The following TSNARE1 variants were observed in gnomAD, a reference collection of about 807,000 sequenced individuals.
The protein encoded by TSNARE1 is t-SNARE domain-containing protein 1.
Under a neutral mutation model 62.0 loss-of-function variants are expected in TSNARE1, and 49 were observed. The observed-to-expected ratio is 0.79, with a 90% confidence interval of 0.63 to 1.00. The LOEUF is 1.00. Among genes scored for constraint, TSNARE1 ranks in the 50% least tolerant of loss-of-function variants. The probability of loss-of-function intolerance (pLI) is 0.00; values close to 1 mark genes in which losing one functional copy is unlikely to be tolerated. For synonymous variants in TSNARE1, 328 were observed against 294.4 expected (o/e 1.11, Z -1.17); for missense variants, 755 against 700.1 (o/e 1.08, Z -0.88).
chr8:142,252,080 C>T (rs1254564292), intron 12 of TSNARE1, among the ~76,000 whole-genome samples: 1 of 149,984 alleles, frequency 6.7e-6, no homozygotes, highest in Non-Finnish European at 1.5e-5. Context: ...ACCATGTACC[C>T]ACCGCTCGCG....
chr8:142,339,847 C>T (rs1832294730), intron 4 of TSNARE1, among the ~76,000 whole-genome samples: 1 of 152,240 alleles, frequency 6.6e-6, no homozygotes, highest in Admixed American at 6.5e-5. Context: ...CGTACAGCGC[C>T]CTCCTCCTCT....
At chr8:142,276,014 C>A in intron 11 of TSNARE1, 5 of 985,438 alleles carry the variant, frequency 5.1e-6, no homozygotes, top group Non-Finnish European at 6.0e-6. Context: ...GAAGCCCCCA[C>A]CCAGGCCTCA....
intron 12 of TSNARE1, chr8:142,271,644 A>G: frequency 7.1e-7 from 1 of 1,407,612 alleles, no homozygotes; most frequent in Middle Eastern, 1.8e-4. Context: ...CCTTCCAGGG[A>G]CCTCAGGGGC....
intron 12 of TSNARE1, chr8:142,269,597 G>C (rs1475399123): frequency 7.1e-6 from 7 of 985,020 alleles, no homozygotes; most frequent in Non-Finnish European, 8.4e-6. Context: ...CCAAAGTGCT[G>C]TGATTACAGG....
intron 6 of TSNARE1, 90 bp from the exon 7 acceptor site, chr8:142,318,724 C>G (rs975219808): frequency 6.5e-6 from 8 of 1,226,862 alleles, no homozygotes; most frequent in Non-Finnish European, 9.5e-6. Context: ...CAGGGACGCA[C>G]GGGCCGAGTG....
At chr8:142,250,034 C>A (rs574779523) in intron 12 of TSNARE1, among the ~76,000 whole-genome samples, 2 of 152,316 alleles carry the variant, frequency 1.3e-5, no homozygotes, top group South Asian at 4.1e-4. Context: ...GGGTCCTGGG[C>A]AGCTCCAGAG....
intron 11 of TSNARE1, chr8:142,278,286 G>A: frequency 1.0e-6 from 1 of 985,460 alleles, no homozygotes; most frequent in Non-Finnish European, 1.2e-6. Context: ...ATGCACCGCT[G>A]TGAGCAGGAG....
intron 12 of TSNARE1, among the ~76,000 whole-genome samples, chr8:142,233,032 C>T (rs1817203648): frequency 6.6e-6 from 1 of 152,220 alleles, no homozygotes; most frequent in Non-Finnish European, 1.5e-5. Flanking sequence ...AGCCACCCTG[C>T]AGATGAGAAG....
chr8:142,229,529 G>A lies in TSNARE1; in HGVS notation c.1497C>T (p.Ala499=). ...KCCFLSAGVT[A]LLVIIIIIAT... ...CGATGATGATGATGATGACAAGCAG[G>A]GCAGTGACTCCAGCTGATAGGAAGC... The change falls in exon 13 of 14, where the codon GCC becomes GCT. Residue 499 remains alanine, a synonymous_variant. Transcript: ENST00000524325. 1 of 1,614,112 alleles carries A rather than the reference G, an allele frequency of 6.2e-7. No homozygotes were observed. The highest frequency in any genetic ancestry group is 8.5e-7 in the Non-Finnish European group (1 of 1,180,016).
intron 1 of TSNARE1, among the ~76,000 whole-genome samples, chr8:142,355,684 G>A (rs754684855): frequency 1.3e-5 from 2 of 152,160 alleles, no homozygotes; most frequent in Non-Finnish European, 2.9e-5. Context: ...GGAACCTGCT[G>A]GCCAGGCCAC....
chr8:142,219,273 G>A (rs1003959337), intron 13 of TSNARE1, among the ~76,000 whole-genome samples: 6 of 152,164 alleles, frequency 3.9e-5, no homozygotes, highest in South Asian at 2.1e-4. Flanking sequence ...AGGGAGAGAC[G>A]AGGAAGGAGA....
chr8:142,345,029 C>T (rs1444709648), intron 3 of TSNARE1, among the ~76,000 whole-genome samples: 8 of 152,228 alleles, frequency 5.3e-5, no homozygotes, highest in South Asian at 2.1e-4. Flanking sequence ...GGGCTGAGGC[C>T]GGTGGGGACG....
intron 6 of TSNARE1, among the ~76,000 whole-genome samples, chr8:142,322,731 G>A (rs1431396683): frequency 2.0e-5 from 3 of 152,120 alleles, no homozygotes; most frequent in East Asian, 3.9e-4. Flanking sequence ...TGGGCTGGGC[G>A]ACGATGTTGT....
intron 10 of TSNARE1, among the ~76,000 whole-genome samples, chr8:142,287,989 A>G (rs956317248): frequency 2.0e-5 from 3 of 152,240 alleles, no homozygotes; most frequent in Non-Finnish European, 2.9e-5. Context: ...TGCAGCCACC[A>G]GCATGGGATG....
chr8:142,379,956 T>A (rs1470562759), intron 1 of TSNARE1, among the ~76,000 whole-genome samples: 1 of 149,810 alleles, frequency 6.7e-6, no homozygotes, highest in South Asian at 2.1e-4. Context: ...AGGGCCTTCT[T>A]GTGCCGCTGC....
intron 11 of TSNARE1, among the ~76,000 whole-genome samples, chr8:142,280,589 C>T (rs1821261730): frequency 1.3e-5 from 2 of 152,202 alleles, no homozygotes; most frequent in African/African-American, 4.8e-5. Context: ...GTTTGTCCCC[C>T]TCCCCACGAC....
intron 12 of TSNARE1, among the ~76,000 whole-genome samples, chr8:142,265,713 G>A (rs998985422): frequency 1.3e-5 from 2 of 152,226 alleles, no homozygotes; most frequent in Non-Finnish European, 2.9e-5. Flanking sequence ...ATGCCCAACA[G>A]CAGTGCATGA....
intron 4 of TSNARE1, among the ~76,000 whole-genome samples, chr8:142,338,150 C>T (rs1399626218): frequency 1.3e-5 from 2 of 152,240 alleles, no homozygotes; most frequent in African/African-American, 4.8e-5. Context: ...CCCTCCAGTT[C>T]TGCTGTGAAC....
intron 10 of TSNARE1, among the ~76,000 whole-genome samples, chr8:142,286,135 G>C (rs966487970): frequency 6.6e-6 from 1 of 152,180 alleles, no homozygotes; most frequent in Non-Finnish European, 1.5e-5. Flanking sequence ...GGCAAGCCTG[G>C]CCACCTCAAG....
Sources: gnomAD v4.1 joint callset for allele counts (sites outside exome capture counted in the v4.1 genomes callset) on GRCh38, gnomAD v4.1.1 for gene constraint, MANE v1.5 for transcripts, NCBI Gene and HGNC (gene_info 2026-07-23, HGNC 2026-07-21) for gene names.